LZTS3: variants seen among roughly 807,000 people sequenced by gnomAD.
LZTS3 encodes leucine zipper tumor suppressor family member 3.
LZTS3 carries 16 observed loss-of-function variants against 50.9 expected under a neutral mutation model. The observed-to-expected ratio is 0.31, with a 90% CI of 0.21 to 0.48. The LOEUF (loss-of-function observed/expected upper bound fraction) is 0.48, where lower values mean the gene tolerates loss of function less well. LZTS3 is among the 20% of genes least tolerant of loss of function. The pLI, the probability that LZTS3 is intolerant of heterozygous loss-of-function variation, is 0.99. For synonymous variants in LZTS3, 408 were observed against 410.6 expected, an observed-to-expected ratio of 0.99 and a Z score of 0.08; for missense variants, 816 against 931.0, an observed-to-expected ratio of 0.88 and a Z score of 1.61.
Position 3,165,915 on chromosome 20 carries a change from C to T in LZTS3, c.905G>A (p.Gly302Asp). The T allele has an allele frequency of 1.2e-6, 2 of 1,610,594 alleles. No individual in the cohort carries two copies. The change falls in exon 4 of 5, where the codon GGC becomes GAC. Residue 302 changes from glycine (G) to aspartate (D), a missense_variant. By Grantham distance (94) the Gly-to-Asp change is moderately conservative. Coordinates refer to ENST00000337576, the MANE Select transcript of LZTS3 (RefSeq NM_001365618.1). The surrounding 1 kb of genome is among the most constrained non-coding windows in gnomAD (Gnocchi z 5.0). ...GRPGHLGSGEGGGGGLPFAAC... is the reference protein window; with the variant it reads ...GRPGHLGSGEDGGGGLPFAAC... ...CGCGAAAGGCAGGCCTCCACCTCCG[C>T]CCTCCCCAGAGCCCAGGTGGCCTGG...
At chr20:3,170,295 GC>G (rs1232665789) in intron 1 of LZTS3, among the ~76,000 whole-genome samples, 5 of 152,044 alleles carry the variant, frequency 3.3e-5, no homozygotes, top group African/African-American at 4.8e-5. Context: ...TTCGAGACCA[GC>G]CTGGCCAACG....
intron 2 of LZTS3, 122 bp from the exon 3 acceptor site, chr20:3,167,303 A>G: frequency 1.4e-6 from 2 of 1,384,234 alleles, no homozygotes; most frequent in South Asian, 1.9e-5. Context: ...TGGGTACAAA[A>G]AGTTCCCAGG....
In LZTS3 at chr20:3,163,148, T is replaced by G. The variant is rs948139256; in HGVS notation, c.*1306A>C. ...AGATATAAGGGCTGAGGGCCAAGCC[T>G]CCTCCAATTTTTATTGCTGGTGAAT... On this transcript the variant is annotated 3_prime_UTR_variant, in exon 5 of 5. Coordinates refer to ENST00000337576, the MANE Select transcript of LZTS3 (RefSeq NM_001365618.1). This position sits in a 1 kb window ranked among gnomAD's most constrained non-coding sequence, Gnocchi z 5.2. 1 of 152,662 alleles carries G rather than the reference T, an allele frequency of 6.6e-6. No individual in the cohort carries two copies. Among genetic ancestry groups the G allele is most frequent in the Non-Finnish European group, 1.5e-5 (1 of 68,058 alleles). The allele number at this position is 152,662 out of a possible 1,614,324, so 9.5% of individuals were successfully genotyped here.
intron 1 of LZTS3, among the ~76,000 whole-genome samples, chr20:3,170,047 G>A (rs527265086): frequency 7.9e-5 from 12 of 152,270 alleles, no homozygotes; most frequent in African/African-American, 2.6e-4. Context: ...GGGCCCTGAA[G>A]GCCAAGATTG....
chr20:3,165,382 G>T lies in LZTS3; in HGVS notation c.1323+115C>A, dbSNP rs2066795351. On this transcript the variant is annotated intron_variant, in intron 4 of 4. Coordinates refer to ENST00000337576, the MANE Select transcript of LZTS3 (RefSeq NM_001365618.1). This position sits in a 1 kb window ranked among gnomAD's most constrained non-coding sequence, Gnocchi z 5.0. Reference sequence around the variant, plus strand: ...CTCCCAATTGATTTTTGTCCCCCCTGCTCCTTTCATCCCCCCCCCCATCCC... The same window carrying T: ...CTCCCAATTGATTTTTGTCCCCCCTTCTCCTTTCATCCCCCCCCCCATCCC... 6 of 1,373,764 alleles carry T rather than the reference G, an allele frequency of 4.4e-6. No individual in the cohort carries two copies. Among genetic ancestry groups the T allele is most frequent in the South Asian group, 1.4e-5 (1 of 69,074 alleles). 85.1% of individuals were successfully genotyped at this position (1,373,764 alleles called of 1,614,324 possible). A position where few individuals can be genotyped will look rare whatever the true frequency, so the allele number is the denominator to read the frequency against.
Position 3,165,005 on chromosome 20 carries a change from G to T in LZTS3, c.1471C>A (p.Leu491Met). The change falls in exon 5 of 5, where the codon CTG becomes ATG. Residue 491 changes from leucine to methionine, a missense_variant. Coordinates refer to ENST00000337576, the MANE Select transcript of LZTS3 (RefSeq NM_001365618.1). The surrounding 1 kb of genome is among the most constrained non-coding windows in gnomAD (Gnocchi z 5.0). Reference protein sequence around the residue: ...RASLREKEEQLLSLRDSFSSK... With the variant: ...RASLREKEEQMLSLRDSFSSK... ...CTGAAGGAGTCCCGCAGGCTGAGCA[G>T]CTGCTCCTCCTTCTCCCGCAGCGAA... 6.4e-7 allele frequency: 1 copy of T among 1,558,424 alleles called. No individual in the cohort carries two copies. The highest frequency in any genetic ancestry group is 2.4e-5 in the East Asian group (1 of 42,358).
intron 1 of LZTS3, among the ~76,000 whole-genome samples, chr20:3,168,951 A>T (rs566489647): frequency 1.3e-5 from 2 of 152,182 alleles, no homozygotes; most frequent in Non-Finnish European, 2.9e-5. Flanking sequence ...CCCCCACACC[A>T]GGAATGAGAG....
intron 1 of LZTS3, among the ~76,000 whole-genome samples, chr20:3,169,879 TA>T (rs34415260): frequency 0.35 from 21,708 of 62,136 alleles, 3,333 homozygotes; most frequent in African/African-American, 0.44. Context: ...ACTCTTTCCT[TA>T]AAAAAAAAAA....
rs2066792573 is a variant in LZTS3 at position 3,165,205 on chromosome 20, C to A, written c.1324-53G>T. ...CCAGGTAAAGGCAGAGCTCTGCTCA[C>A]CCCAACCCAGCTACCAGATCTGGAG... On this transcript the variant is annotated intron_variant, in intron 4 of 4. Coordinates refer to ENST00000337576, the MANE Select transcript of LZTS3 (RefSeq NM_001365618.1). This position sits in a 1 kb window ranked among gnomAD's most constrained non-coding sequence, Gnocchi z 5.0. 7.7e-6 allele frequency: 11 copies of A among 1,433,570 alleles called. No individual in the cohort carries two copies. The East Asian group carries it at 2.7e-4, about 36-fold the overall frequency. 88.8% of individuals were successfully genotyped at this position (1,433,570 alleles called of 1,614,324 possible).
At position 3,164,706 on chromosome 20, in the gene LZTS3, G is replaced by A. The variant is rs780874818; in HGVS notation, c.1770C>T (p.Ala590=). 6 of 1,570,252 alleles carry A rather than the reference G, an allele frequency of 3.8e-6. No individual in the cohort carries two copies. Among genetic ancestry groups the A allele is most frequent in the Non-Finnish European group, 4.3e-6 (5 of 1,160,600 alleles). Residue 590 remains alanine, a synonymous_variant, in exon 5 of 5, where the codon GCC becomes GCT. Transcript: ENST00000337576. ...LQAELAAERR[A]RERQGASFAE... ...CGAAGCTGGCACCCTGGCGCTCCCG[G>A]GCCCGCCGCTCAGCCGCCAGCTCGG...
chr20:3,172,686 G>T (rs1331619531), intron 1 of LZTS3, among the ~76,000 whole-genome samples: 1 of 152,182 alleles, frequency 6.6e-6, no homozygotes, highest in African/African-American at 2.4e-5. Context: ...AGTCCTGGGG[G>T]TCTCTGGGCC....
In LZTS3 at chr20:3,162,859, A is replaced by T. The variant is rs1487541209; in HGVS notation, c.*1595T>A. The stretch of plus-strand genomic sequence containing the variant: ...GGCAGGTACAGTGAGGGGTGAATGG[A>T]ATGGGCAGTGGTCGCCAGGATGGCC... On this transcript the variant is annotated 3_prime_UTR_variant, in exon 5 of 5. Coordinates refer to ENST00000337576, the MANE Select transcript of LZTS3 (RefSeq NM_001365618.1). This position sits in a 1 kb window ranked among gnomAD's most constrained non-coding sequence, Gnocchi z 5.0. The T allele has an allele frequency of 6.6e-6, 1 of 152,468 alleles. No individual in the cohort carries two copies. Among genetic ancestry groups the T allele is most frequent in the Non-Finnish European group, 1.5e-5 (1 of 68,024 alleles). 9.4% of individuals were successfully genotyped at this position (152,468 alleles called of 1,614,324 possible). A position where few individuals can be genotyped will look rare whatever the true frequency, so the allele number is the denominator to read the frequency against.
At position 3,163,396 on chromosome 20, in the gene LZTS3, T is replaced by G. The variant is rs1390595676; in HGVS notation, c.*1058A>C. ...CAAAACAAGGGCCTCCGGCTCAGACTTGGGCCAGTGGAGCTGGGAAGTGGG... is the reference window on the plus strand; with the variant it reads ...CAAAACAAGGGCCTCCGGCTCAGACGTGGGCCAGTGGAGCTGGGAAGTGGG... On this transcript the variant is annotated 3_prime_UTR_variant, in exon 5 of 5. Coordinates refer to ENST00000337576, the MANE Select transcript of LZTS3 (RefSeq NM_001365618.1). The surrounding 1 kb of genome is among the most constrained non-coding windows in gnomAD (Gnocchi z 5.2). 1 of 153,082 alleles carries G rather than the reference T, an allele frequency of 6.5e-6. No homozygotes were observed. Among genetic ancestry groups the G allele is most frequent in the African/African-American group, 2.4e-5 (1 of 41,434 alleles). 9.5% of individuals were successfully genotyped at this position (153,082 alleles called of 1,614,324 possible).
rs1406987606 is a variant in LZTS3, at chr20:3,164,910, G to A, written c.1566C>T (p.Thr522=). The part of the protein sequence containing the change: ...LPAACLKPAL[T]PVDPAEPQDA... ...CCTGTGGCTCGGCCGGGTCCACGGG[G>A]GTCAGCGCCGGCTTGAGGCAGGCGG... Residue 522 remains threonine (T), a synonymous_variant, in exon 5 of 5, where the codon ACC becomes ACT. Coordinates refer to ENST00000337576, the MANE Select transcript of LZTS3 (RefSeq NM_001365618.1). 10 of 1,548,184 alleles carry A rather than the reference G, an allele frequency of 6.5e-6. No homozygotes were observed. The highest frequency in any genetic ancestry group is 7.8e-6 in the Non-Finnish European group (9 of 1,153,248).
At position 3,165,093 on chromosome 20, in the gene LZTS3, C is replaced by T; in HGVS notation, c.1383G>A (p.Ala461=). The T allele has an allele frequency of 3.8e-6, 6 of 1,593,090 alleles. No individual in the cohort carries two copies. The highest frequency in any genetic ancestry group is 5.1e-6 in the Non-Finnish European group (6 of 1,171,028). Residue 461 remains alanine, a synonymous_variant, in exon 5 of 5, where the codon GCG becomes GCA. Transcript: ENST00000337576. This position sits in a 1 kb window ranked among gnomAD's most constrained non-coding sequence, Gnocchi z 5.0. ...LLKQQLKDSQ[A]DVSQKLSEIV... ...TCTCACTCAACTTCTGCGACACATC[C>T]GCCTGCGAGTCCTTCAGCTGCTGCT...
intron 1 of LZTS3, among the ~76,000 whole-genome samples, chr20:3,171,953 C>A (rs902224927): frequency 6.6e-6 from 1 of 152,160 alleles, no homozygotes; most frequent in Non-Finnish European, 1.5e-5. Context: ...GTTACATGTA[C>A]AGGTACCTCC....
rs1292473439 is a variant in LZTS3, at chr20:3,167,030, G to A, written c.134C>T (p.Ala45Val). 11 of 1,582,934 alleles carry A rather than the reference G, an allele frequency of 6.9e-6. No homozygotes were observed. Among genetic ancestry groups the A allele is most frequent in the South Asian group, 4.5e-5 (4 of 89,418 alleles). ...LAMGSVGSGV[A>V]HAQEFAMKSV... Reference sequence around the variant, plus strand: ...CTTCATGGCAAACTCCTGGGCATGGGCCACCCCACTGCCCACGCTGCCCAT... The same window carrying A: ...CTTCATGGCAAACTCCTGGGCATGGACCACCCCACTGCCCACGCTGCCCAT... Residue 45 changes from alanine (A) to valine (V), a missense_variant, in exon 3 of 5, where the codon GCC becomes GTC. Transcript: ENST00000337576.
intron 3 of LZTS3, 29 bp from the exon 4 acceptor site, chr20:3,166,389 G>C (rs755707819): frequency 1.3e-6 from 2 of 1,571,918 alleles, no homozygotes; most frequent in Non-Finnish European, 1.7e-6. Flanking sequence ...GGGGCTGGGG[G>C]TCAGGATGAG....
At chr20:3,172,997 G>A in intron 1 of LZTS3, among the ~76,000 whole-genome samples, 1 of 151,482 alleles carries the variant, frequency 6.6e-6, no homozygotes, top group Non-Finnish European at 1.5e-5. Context: ...GGGGCCGAGA[G>A]CGCCCCCTCC....
Sources: allele counts gnomAD v4.1 joint callset (sites outside exome capture counted in the v4.1 genomes callset), GRCh38; gene constraint gnomAD v4.1.1; non-coding constraint Gnocchi (gnomAD v3.1); transcripts MANE v1.5; gene names NCBI Gene and HGNC (gene_info 2026-07-23, HGNC 2026-07-21).